SLC24A2: variants seen among roughly 807,000 people sequenced by gnomAD.
SLC24A2 encodes the protein solute carrier family 24 member 2, also known as sodium/potassium/calcium exchanger 2.
SLC24A2 carries 36 observed loss-of-function variants against 62.0 expected under a neutral mutation model. That is an observed-to-expected ratio of 0.58 (90% confidence interval 0.44 to 0.77). The LOEUF is 0.77. Among genes scored for constraint, SLC24A2 ranks in the 30% least tolerant of loss-of-function variants. The probability of loss-of-function intolerance (pLI) is 0.00; values close to 1 mark genes in which losing one functional copy is unlikely to be tolerated. For synonymous variants in SLC24A2, 358 were observed against 294.0 expected (o/e 1.22, Z -2.23); for missense variants, 846 against 817.9 (o/e 1.03, Z -0.42).
chr9:19,985,171 C>G, the SLC24A2 span, among the ~76,000 whole-genome samples: 1 of 152,108 alleles, frequency 6.6e-6, no homozygotes, highest in African/African-American at 2.4e-5. Context: ...CTTTGGAAAA[C>G]AGTTTGGCAG....
the SLC24A2 span, among the ~76,000 whole-genome samples, chr9:19,922,416 T>C: frequency 6.8e-3 from 1,040 of 152,306 alleles, 32 homozygotes; most frequent in Admixed American, 0.048. Context: ...TGCACCCTAT[T>C]TATTTTCCTA....
At chr9:20,001,203 T>G in the SLC24A2 span, among the ~76,000 whole-genome samples, 4 of 152,230 alleles carry the variant, frequency 2.6e-5, no homozygotes. Flanking sequence ...CCTGTCCTCT[T>G]AGATCCAGCA....
chr9:20,022,275 A>G, the SLC24A2 span, among the ~76,000 whole-genome samples: 2 of 152,246 alleles, frequency 1.3e-5, no homozygotes, highest in African/African-American at 4.8e-5. Context: ...TTTATGAATG[A>G]TAAAAATACC....
At chr9:19,636,346 T>TTC (rs1491063166) in intron 2 of SLC24A2, among the ~76,000 whole-genome samples, 6 of 37,452 alleles carry the variant, frequency 1.6e-4, no homozygotes, top group Non-Finnish European at 2.0e-4. Flanking sequence ...TTTCTTTCTT[T>TTC]CTTTCTTTCT....
the SLC24A2 span, among the ~76,000 whole-genome samples, chr9:20,207,439 T>TGTGTGTATAG: frequency 6.6e-3 from 1,003 of 152,340 alleles, 9 homozygotes; most frequent in East Asian, 0.026. Context: ...TCACACACTC[T>TGTGTGTATAG]ATACAGGTCT....
the SLC24A2 span, among the ~76,000 whole-genome samples, chr9:19,839,662 T>A: frequency 2.0e-5 from 3 of 152,176 alleles, no homozygotes; most frequent in African/African-American, 4.8e-5. Flanking sequence ...ATTTAGGGAC[T>A]TTTTACAGTT....
chr9:19,695,572 C>T (rs1490744088), intron 2 of SLC24A2, among the ~76,000 whole-genome samples: 4 of 150,410 alleles, frequency 2.7e-5, no homozygotes, highest in African/African-American at 9.8e-5. Flanking sequence ...GCTAAACCCA[C>T]GTGAAACCCA....
At chr9:20,158,276 C>T in the SLC24A2 span, among the ~76,000 whole-genome samples, 1 of 151,694 alleles carries the variant, frequency 6.6e-6, no homozygotes, top group Non-Finnish European at 1.5e-5. Context: ...TAAGAGGTTA[C>T]ACAGGTCTGA....
At chr9:20,207,556 G>C in the SLC24A2 span, among the ~76,000 whole-genome samples, 3 of 152,158 alleles carry the variant, frequency 2.0e-5, no homozygotes, top group Non-Finnish European at 4.4e-5. Context: ...GCAACAATTT[G>C]TCTATAATTA....
At chr9:19,571,579 G>A (rs1835839155) in intron 7 of SLC24A2, among the ~76,000 whole-genome samples, 1 of 152,064 alleles carries the variant, frequency 6.6e-6, no homozygotes, top group Admixed American at 6.5e-5. Flanking sequence ...AGCATCACTG[G>A]GGAGCTCATT....
the SLC24A2 span, among the ~76,000 whole-genome samples, chr9:19,900,370 C>A: frequency 6.6e-6 from 1 of 152,170 alleles, no homozygotes; most frequent in African/African-American, 2.4e-5. Flanking sequence ...TATCACAAAG[C>A]CTGACAGATA....
chr9:20,134,415 A>C, the SLC24A2 span, among the ~76,000 whole-genome samples: 4 of 152,274 alleles, frequency 2.6e-5, no homozygotes, highest in South Asian at 4.1e-4. Context: ...AGGAAAGGAG[A>C]CCTGGAGTCA....
chr9:20,264,000 C>G, the SLC24A2 span, among the ~76,000 whole-genome samples: 1 of 152,100 alleles, frequency 6.6e-6, no homozygotes, highest in Admixed American at 6.5e-5. Flanking sequence ...AGCTGGCCCA[C>G]GTATCTGGAA....
the SLC24A2 span, among the ~76,000 whole-genome samples, chr9:19,997,140 A>T: frequency 6.6e-6 from 1 of 152,186 alleles, no homozygotes; most frequent in Non-Finnish European, 1.5e-5. Flanking sequence ...TCCTCAAGAC[A>T]AGAAGAGAGA....
chr9:20,284,528 C>T, the SLC24A2 span, among the ~76,000 whole-genome samples: 1 of 113,120 alleles, frequency 8.8e-6, no homozygotes, highest in Non-Finnish European at 1.8e-5. Context: ...AAGCTTAAAA[C>T]ACATTTTTTT....
intron 2 of SLC24A2, among the ~76,000 whole-genome samples, chr9:19,624,051 C>T (rs1459737150): frequency 3.9e-5 from 6 of 152,206 alleles, no homozygotes; most frequent in Non-Finnish European, 8.8e-5. Context: ...TTCCCACTTT[C>T]CTCTGAACGG....
rs1206755561 is a variant in SLC24A2, at chr9:19,518,394, A to ATTTTTCTTTTCTTTC, written c.1737-2007_1737-1993dup. Among the ~76,000 whole-genome samples, 8 of 150,208 alleles carry ATTTTTCTTTTCTTTC rather than the reference A, an allele frequency of 5.3e-5. No homozygotes were observed. In the East Asian group the frequency reaches 5.9e-4, roughly 11 times the overall value. On this transcript the variant is annotated intron_variant, in intron 10 of 10. Transcript: ENST00000341998. ...GGTGAGTTATTGATCTTTAAGCTTT[A>ATTTTTCTTTTCTTTC]TTTTTCTTTTCTTTCTTTTTCTTTT...
chr9:19,988,271 G>A, the SLC24A2 span, among the ~76,000 whole-genome samples: 2 of 152,140 alleles, frequency 1.3e-5, no homozygotes, highest in Non-Finnish European at 2.9e-5. Flanking sequence ...TTTTGTAGAT[G>A]ATTTTGAGCC....
the SLC24A2 span, among the ~76,000 whole-genome samples, chr9:20,087,821 C>T: frequency 6.6e-4 from 100 of 152,274 alleles, 1 homozygote; most frequent in African/African-American, 2.3e-3. Flanking sequence ...AAGAAAACAA[C>T]CCAACCCACA....
Sources: allele counts gnomAD v4.1 joint callset (sites outside exome capture counted in the v4.1 genomes callset), GRCh38; gene constraint gnomAD v4.1.1; transcripts MANE v1.5; gene names NCBI Gene and HGNC (gene_info 2026-07-23, HGNC 2026-07-21).